Variants in TENM3 observed in about 807,000 individuals in gnomAD.
TENM3 encodes the protein teneurin-3.
A neutral mutation model predicts 255.1 loss-of-function variants in TENM3; 63 were observed. That is an observed-to-expected ratio of 0.25 (90% CI 0.20 to 0.30). TENM3 has a LOEUF of 0.30. Ranked by LOEUF, TENM3 falls within the 10% of genes least tolerant of loss-of-function variation. The probability of loss-of-function intolerance (pLI) is 1.00; values close to 1 mark genes in which losing one functional copy is unlikely to be tolerated. For missense variants in TENM3, 2,929 were observed against 3,461.1 expected (o/e 0.85, Z 3.86); for synonymous variants, 1,306 against 1,322.3 (o/e 0.99, Z 0.27).
chr4:182,282,060 T>C (rs532293278), intron 1 of TENM3, among the ~76,000 whole-genome samples: 7 of 152,344 alleles, frequency 4.6e-5, no homozygotes, highest in Non-Finnish European at 8.8e-5. Context: ...AATTTAATTT[T>C]AATTGGTAGT....
chr4:182,310,413 C>G (rs182218645), intron 1 of TENM3, among the ~76,000 whole-genome samples: 2 of 152,204 alleles, frequency 1.3e-5, no homozygotes, highest in East Asian at 3.9e-4. Context: ...TCTACGTAGA[C>G]GTCAGTGAGC....
At chr4:181,585,680 C>T in the TENM3 span, among the ~76,000 whole-genome samples, 1 of 151,544 alleles carries the variant, frequency 6.6e-6, no homozygotes, top group Non-Finnish European at 1.5e-5. Context: ...CAAATGAGGC[C>T]ATTTCAATCA....
chr4:182,440,868 A>C (rs1379051045), intron 3 of TENM3, among the ~76,000 whole-genome samples: 1 of 151,854 alleles, frequency 6.6e-6, no homozygotes, highest in Non-Finnish European at 1.5e-5. Context: ...ATACATGTGA[A>C]GGTTTGTTAC....
chr4:182,076,719 A>C, the TENM3 span, among the ~76,000 whole-genome samples: 45 of 152,300 alleles, frequency 3.0e-4, no homozygotes, highest in African/African-American at 9.6e-4. Context: ...AGGGATTGGC[A>C]AACCTTTTTG....
chr4:182,620,888 T>C (rs1036281387), intron 4 of TENM3, among the ~76,000 whole-genome samples: 1 of 152,060 alleles, frequency 6.6e-6, no homozygotes, highest in Non-Finnish European at 1.5e-5. Context: ...GGCACCATGC[T>C]AGGCTAATTT....
At chr4:182,172,292 G>T (rs376092308) in intron 1 of TENM3, among the ~76,000 whole-genome samples, 16 of 152,226 alleles carry the variant, frequency 1.1e-4, no homozygotes, top group African/African-American at 3.9e-4. Context: ...TGTGGGGAGG[G>T]AAAGACTGCA....
chr4:182,596,761 T>C (rs534753714), intron 3 of TENM3, among the ~76,000 whole-genome samples: 2 of 152,280 alleles, frequency 1.3e-5, no homozygotes, highest in Admixed American at 1.3e-4. Context: ...TCAAGTTTGA[T>C]AGGCACTAGA....
chr4:181,481,531 A>G, the TENM3 span, among the ~76,000 whole-genome samples: 28 of 152,220 alleles, frequency 1.8e-4, no homozygotes, highest in Non-Finnish European at 3.1e-4. Flanking sequence ...CATATGCTCA[A>G]CAATCCTAGG....
chr4:181,675,792 GGAATT>G, the TENM3 span, among the ~76,000 whole-genome samples: 1,225 of 150,198 alleles, frequency 8.2e-3, 9 homozygotes, highest in Middle Eastern at 0.017. Flanking sequence ...AAATGAGGGT[GGAATT>G]GGTGAAGAAA....
chr4:182,409,586 A>T (rs1278152729), intron 3 of TENM3, among the ~76,000 whole-genome samples: 1 of 152,160 alleles, frequency 6.6e-6, no homozygotes, highest in African/African-American at 2.4e-5. Flanking sequence ...CTGGTTCTTC[A>T]GCAGTCGATG....
intron 1 of TENM3, among the ~76,000 whole-genome samples, chr4:182,210,606 T>TC (rs1213867249): frequency 6.9e-6 from 1 of 144,564 alleles, no homozygotes; most frequent in African/African-American, 2.5e-5. Context: ...GCCTCCATTT[T>TC]CCCCCTCTCT....
chr4:181,847,948 G>T, the TENM3 span, among the ~76,000 whole-genome samples: 495 of 152,130 alleles, frequency 3.3e-3, 7 homozygotes, highest in African/African-American at 0.011. Context: ...TCACAATGTC[G>T]GTCCTTGTTT....
chr4:182,541,525 A>T (rs935398450), intron 3 of TENM3, among the ~76,000 whole-genome samples: 1 of 152,340 alleles, frequency 6.6e-6, no homozygotes, highest in South Asian at 2.1e-4. Context: ...AAGTTAGATG[A>T]GAACTTCTAT....
chr4:182,025,491 G>A, the TENM3 span, among the ~76,000 whole-genome samples: 2 of 152,126 alleles, frequency 1.3e-5, no homozygotes, highest in South Asian at 4.1e-4. Context: ...GGGAGTGCAG[G>A]TATCTCTTTG....
chr4:181,647,434 A>G, the TENM3 span, among the ~76,000 whole-genome samples: 1 of 152,232 alleles, frequency 6.6e-6, no homozygotes, highest in East Asian at 1.9e-4. Context: ...TGCAATATGT[A>G]GAGTAATATT....
the TENM3 span, among the ~76,000 whole-genome samples, chr4:181,951,921 A>G: frequency 7.2e-5 from 11 of 152,112 alleles, no homozygotes; most frequent in African/African-American, 2.4e-4. Flanking sequence ...TTCTTTATAT[A>G]TTGTAGGGTT....
the TENM3 span, among the ~76,000 whole-genome samples, chr4:181,667,222 C>T: frequency 6.6e-6 from 1 of 152,096 alleles, no homozygotes; most frequent in East Asian, 1.9e-4. Flanking sequence ...GATGAGGTAT[C>T]CGTCCATTAA....
At chr4:182,762,366 T>C (rs1428667323) in intron 22 of TENM3, among the ~76,000 whole-genome samples, 1 of 152,194 alleles carries the variant, frequency 6.6e-6, no homozygotes, top group Non-Finnish European at 1.5e-5. Context: ...TCTGTGTGCA[T>C]CATCAGCTTC....
At chr4:182,115,809 C>G in the TENM3 span, among the ~76,000 whole-genome samples, 6 of 152,036 alleles carry the variant, frequency 3.9e-5, no homozygotes, top group African/African-American at 1.4e-4. Context: ...TATAGTCCAG[C>G]ACTCTCATGT....
Sources: gnomAD v4.1 joint callset for allele counts (sites outside exome capture counted in the v4.1 genomes callset) on GRCh38, gnomAD v4.1.1 for gene constraint, MANE v1.5 for transcripts, NCBI Gene and HGNC (gene_info 2026-07-23, HGNC 2026-07-21) for gene names.